Variants in PTPRN2 observed in about 807,000 individuals in gnomAD.
PTPRN2 encodes the protein protein tyrosine phosphatase receptor type N2.
A neutral mutation model predicts 118.8 loss-of-function variants in PTPRN2; 74 were observed. The observed-to-expected ratio is 0.62, with a 90% confidence interval of 0.52 to 0.76. The LOEUF (loss-of-function observed/expected upper bound fraction) is 0.76. PTPRN2 is among the 30% of genes least tolerant of loss of function. The probability of loss-of-function intolerance (pLI) is 0.00; values close to 1 mark genes in which losing one functional copy is unlikely to be tolerated. For synonymous variants in PTPRN2, 641 were observed against 608.0 expected (o/e 1.05, Z -0.80); for missense variants, 1,481 against 1,394.4 (o/e 1.06, Z -0.99).
Position 158,273,676 on chromosome 7 carries a change from C to T in PTPRN2, c.277+43143G>A, listed in dbSNP as rs1381619218. Among the ~76,000 whole-genome samples the T allele has an allele frequency of 2.2e-4, 28 of 130,000 alleles. 1 individual carries two copies. The highest frequency in any genetic ancestry group is 5.3e-4 in the African/African-American group (17 of 32,378). 85.3% of individuals were successfully genotyped at this position (130,000 alleles called of 152,430 possible). A position where few individuals can be genotyped will look rare whatever the true frequency, so the allele number is the denominator to read the frequency against. On this transcript the variant is annotated intron_variant, in intron 3 of 22. Coordinates refer to ENST00000389418, the MANE Select transcript of PTPRN2 (RefSeq NM_002847.5). The stretch of plus-strand genomic sequence containing the variant: ...GAGGAGCCGCAGACACGGGAGGAGC[C>T]GCAGACACAGGGAGCCGCAGACACA...
intron 3 of PTPRN2, among the ~76,000 whole-genome samples, chr7:158,245,182 C>T (rs142817328): frequency 7.0e-4 from 71 of 101,244 alleles, no homozygotes; most frequent in Middle Eastern, 8.7e-3. Context: ...ATGGCCATGC[C>T]GGAATCCGTG....
In PTPRN2 at chr7:158,526,882, G is replaced by A. The variant is rs1034179835; in HGVS notation, c.113-37097C>T. The stretch of plus-strand genomic sequence containing the variant: ...AGAAATGTCTGTTGTTTGCTAAGCC[G>A]CCTGGTTTGTGGGGGTTTGTTAGGG... On this transcript the variant is annotated intron_variant, in intron 1 of 22. Transcript: ENST00000389418. This position sits in a 1 kb window ranked among gnomAD's most constrained non-coding sequence, Gnocchi z 5.2. 9.2e-5 allele frequency among the ~76,000 whole-genome samples: 14 copies of A among 152,086 alleles called. No homozygotes were observed. The highest frequency in any genetic ancestry group is 3.1e-4 in the African/African-American group (13 of 41,404).
At chr7:158,185,263 C>T (rs1825044148) in intron 5 of PTPRN2, among the ~76,000 whole-genome samples, 1 of 151,674 alleles carries the variant, frequency 6.6e-6, no homozygotes, top group South Asian at 2.1e-4. Context: ...ATTTTATGGC[C>T]CAGCATTTGA....
intron 9 of PTPRN2, among the ~76,000 whole-genome samples, chr7:158,114,306 C>A (rs763612928): frequency 2.0e-5 from 3 of 152,176 alleles, no homozygotes; most frequent in Non-Finnish European, 4.4e-5. Context: ...GGCCACAGGT[C>A]AGGCCTGGGA....
At chr7:158,272,811 C>T (rs1184925814) in intron 3 of PTPRN2, among the ~76,000 whole-genome samples, 1 of 152,140 alleles carries the variant, frequency 6.6e-6, no homozygotes, top group Non-Finnish European at 1.5e-5. Flanking sequence ...GGAGGTGCCG[C>T]CGGCAGAAGG....
chr7:158,076,667 TG>T (rs1300469018), intron 11 of PTPRN2, among the ~76,000 whole-genome samples: 5 of 152,204 alleles, frequency 3.3e-5, no homozygotes, highest in Non-Finnish European at 7.3e-5. Context: ...ACATCCAGGC[TG>T]CACCATTCTC....
intron 2 of PTPRN2, among the ~76,000 whole-genome samples, chr7:158,385,993 G>A (rs1586536690): frequency 7.9e-6 from 1 of 127,350 alleles, no homozygotes; most frequent in South Asian, 2.8e-4. Context: ...CCCATGCCCT[G>A]AGTCCCTCCT....
At chr7:157,643,132 C>A (rs903694038) in intron 14 of PTPRN2, among the ~76,000 whole-genome samples, 2 of 152,176 alleles carry the variant, frequency 1.3e-5, no homozygotes, top group Non-Finnish European at 2.9e-5. Flanking sequence ...TGGGACATAA[C>A]CCACCATCTG....
chr7:158,132,245 C>T (rs1327615527), intron 9 of PTPRN2, among the ~76,000 whole-genome samples: 1 of 151,376 alleles, frequency 6.6e-6, no homozygotes, highest in African/African-American at 2.4e-5. Flanking sequence ...ACGGATAACA[C>T]ATCTACCCGA....
chr7:157,691,448 T>G (rs1797493513), intron 12 of PTPRN2, among the ~76,000 whole-genome samples: 1 of 152,028 alleles, frequency 6.6e-6, no homozygotes. Flanking sequence ...CCTTTCCAAA[T>G]GGAAGCAGGC....
chr7:158,540,626 C>T (rs1217475829), intron 1 of PTPRN2, among the ~76,000 whole-genome samples: 1 of 152,218 alleles, frequency 6.6e-6, no homozygotes, highest in Non-Finnish European at 1.5e-5. Context: ...CACCACCCCA[C>T]ATCCAGACGA....
chr7:158,586,803 G>A (rs1828954820), intron 1 of PTPRN2, among the ~76,000 whole-genome samples: 1 of 152,176 alleles, frequency 6.6e-6, no homozygotes, highest in Non-Finnish European at 1.5e-5. Context: ...CGGGACATCC[G>A]AGGCCCGGCC....
intron 2 of PTPRN2, among the ~76,000 whole-genome samples, chr7:158,326,948 C>G (rs1290887654): frequency 6.6e-6 from 1 of 151,950 alleles, no homozygotes; most frequent in African/African-American, 2.4e-5. Flanking sequence ...TACACATTTT[C>G]ACACATGCAC....
At chr7:158,082,427 TCTTCCTC>T (rs1306674568) in intron 10 of PTPRN2, among the ~76,000 whole-genome samples, 2 of 152,178 alleles carry the variant, frequency 1.3e-5, no homozygotes, top group Non-Finnish European at 2.9e-5. Context: ...CAACCTCTGG[TCTTCCTC>T]CTTGGGATTT....
intron 12 of PTPRN2, among the ~76,000 whole-genome samples, chr7:157,732,137 GC>G (rs1179387438): frequency 2.1e-5 from 2 of 96,958 alleles, no homozygotes; most frequent in Non-Finnish European, 4.3e-5. Context: ...TCCGCCCCAT[GC>G]GCCCAGCACA....
chr7:157,552,889 G>A (rs1297866091), intron 21 of PTPRN2, among the ~76,000 whole-genome samples: 2 of 152,198 alleles, frequency 1.3e-5, no homozygotes, highest in African/African-American at 4.8e-5. Context: ...AGGGTCCAGT[G>A]AGGGTCCAGT....
At chr7:158,054,294 G>A (rs534474081) in intron 11 of PTPRN2, among the ~76,000 whole-genome samples, 2 of 152,312 alleles carry the variant, frequency 1.3e-5, no homozygotes, top group South Asian at 2.1e-4. Flanking sequence ...CTGTGTGCTT[G>A]TCCTGAGACC....
intron 2 of PTPRN2, among the ~76,000 whole-genome samples, chr7:158,458,246 T>C (rs1818680220): frequency 6.6e-6 from 1 of 152,130 alleles, no homozygotes; most frequent in South Asian, 2.1e-4. Context: ...CTGGTGGTTT[T>C]CAAAGGACAA....
chr7:157,651,073 C>A (rs1167154310), intron 14 of PTPRN2, among the ~76,000 whole-genome samples: 1 of 152,234 alleles, frequency 6.6e-6, no homozygotes, highest in Non-Finnish European at 1.5e-5. Context: ...TCACGCGTCT[C>A]ACGCTGGGAG....
Sources: gnomAD v4.1 joint callset for allele counts (sites outside exome capture counted in the v4.1 genomes callset) on GRCh38, gnomAD v4.1.1 for gene constraint, Gnocchi (gnomAD v3.1) non-coding constraint, MANE v1.5 for transcripts, NCBI Gene and HGNC (gene_info 2026-07-23, HGNC 2026-07-21) for gene names.